The following NUCKS1 variants were observed in gnomAD, a reference collection of about 807,000 sequenced individuals.
NUCKS1 encodes nuclear ubiquitous casein and cyclin-dependent kinase substrate 1.
A neutral mutation model predicts 33.0 loss-of-function variants in NUCKS1; 2 were observed. The observed-to-expected ratio is 0.06, with a 90% CI of 0.02 to 0.19. The LOEUF (loss-of-function observed/expected upper bound fraction) is 0.19, where lower values mean the gene tolerates loss of function less well. Among genes scored for constraint, NUCKS1 ranks in the 10% least tolerant of loss-of-function variants. The probability of loss-of-function intolerance (pLI) is 1.00; values close to 1 mark genes in which losing one functional copy is unlikely to be tolerated. For synonymous variants in NUCKS1, 106 were observed against 102.8 expected (o/e 1.03, Z -0.19); for missense variants, 201 against 293.6 (o/e 0.68, Z 2.31).
rs1283403092 is a variant in NUCKS1, at chr1:205,744,437, T to TA, written c.17+5519dup. Among the ~76,000 whole-genome samples, 4 of 152,312 alleles carry TA rather than the reference T, an allele frequency of 2.6e-5. No homozygotes were observed. The East Asian group carries it at 5.8e-4, about 22-fold the overall frequency. On this transcript the variant is annotated intron_variant, in intron 1 of 6. Coordinates refer to ENST00000367142, the MANE Select transcript of NUCKS1 (RefSeq NM_022731.5). ...CATCTAAGAGTTGCTCAGTAATTGC[T>TA]AATTCTACTAAGTGAGGAAGTGATT...
Position 205,749,821 on chromosome 1 carries a change from TGCGCGCGGGCCCCGAAAGGGAGGAGGCC to T in NUCKS1, c.17+108_17+135del, listed in dbSNP as rs1188545993. The T allele has an allele frequency of 1.0e-4, 91 of 900,830 alleles. No individual in the cohort carries two copies. The African/African-American group carries it at 1.5e-3, about 15-fold the overall frequency. 55.8% of individuals were successfully genotyped at this position (900,830 alleles called of 1,614,324 possible). A position where few individuals can be genotyped will look rare whatever the true frequency, so the allele number is the denominator to read the frequency against. On this transcript the variant is annotated intron_variant, in intron 1 of 6. Transcript: ENST00000367142. The stretch of plus-strand genomic sequence containing the variant: ...CAGCAGGGCCCCCCACGCTCAAGGG[TGCGCGCGGGCCCCGAAAGGGAGGAGGCC>T]GCGCGCGGCACCGGGGATGGCGGAC...
At chr1:205,743,349 A>G (rs1654228779) in intron 1 of NUCKS1, among the ~76,000 whole-genome samples, 1 of 152,252 alleles carries the variant, frequency 6.6e-6, no homozygotes, top group South Asian at 2.1e-4. Flanking sequence ...CATCTCCACT[A>G]TATAAACCCA....
intron 1 of NUCKS1, among the ~76,000 whole-genome samples, chr1:205,734,585 CATA>C (rs1653988953): frequency 6.6e-6 from 1 of 151,792 alleles, no homozygotes; most frequent in Non-Finnish European, 1.5e-5. Context: ...CATGATGACT[CATA>C]ATGACTCATA....
intron 1 of NUCKS1, among the ~76,000 whole-genome samples, chr1:205,740,038 T>A (rs191887945): frequency 3.2e-4 from 40 of 124,352 alleles, no homozygotes; most frequent in African/African-American, 1.1e-3. Context: ...TGTCTCCCTC[T>A]GTTGTCCAGA....
Position 205,714,332 on chromosome 1 carries a change from G to A in NUCKS1, c.*3948C>T, listed in dbSNP as rs1239510149. 6.6e-6 allele frequency: 1 copy of A among 152,026 alleles called. No individual in the cohort carries two copies. The highest frequency in any genetic ancestry group is 2.4e-5 in the African/African-American group (1 of 41,362). 9.4% of individuals were successfully genotyped at this position (152,026 alleles called of 1,614,324 possible). ...AGAAAACCCTCCCTTCACCCCTGAT[G>A]TACAAAGTGTATGCACAACGGTGGC... On this transcript the variant is annotated 3_prime_UTR_variant, in exon 7 of 7. Coordinates refer to ENST00000367142, the MANE Select transcript of NUCKS1 (RefSeq NM_022731.5).
chr1:205,723,572 T>C (rs1195523856), intron 4 of NUCKS1, among the ~76,000 whole-genome samples: 1 of 152,204 alleles, frequency 6.6e-6, no homozygotes, highest in African/African-American at 2.4e-5. Context: ...GTTTTATATT[T>C]ATATATTATT....
chr1:205,724,054 TTCTGAC>T, intron 3 of NUCKS1, 73 bp from the exon 4 acceptor site: 1 of 1,098,756 alleles, frequency 9.1e-7, no homozygotes, highest in Non-Finnish European at 1.4e-6. Context: ...GATCTCTGAT[TTCTGAC>T]TTGAGAAGAA....
intron 1 of NUCKS1, among the ~76,000 whole-genome samples, chr1:205,746,451 TCTCACA>T (rs1366840875): frequency 3.1e-4 from 36 of 116,186 alleles, no homozygotes; most frequent in African/African-American, 1.1e-3. Flanking sequence ...TCTCTCTCTC[TCTCACA>T]CACACACACA....
intron 1 of NUCKS1, among the ~76,000 whole-genome samples, chr1:205,732,175 C>T (rs1428410211): frequency 6.6e-6 from 1 of 152,184 alleles, no homozygotes; most frequent in African/African-American, 2.4e-5. Context: ...GTTCCACCTT[C>T]TGTTTTTCTT....
chr1:205,729,281 T>TA (rs1653852112), intron 2 of NUCKS1, among the ~76,000 whole-genome samples: 1 of 152,218 alleles, frequency 6.6e-6, no homozygotes, highest in Admixed American at 6.5e-5. Context: ...CAGCAGGAGA[T>TA]ATTTTAAGCA....
chr1:205,745,343 G>A (rs1015305016), intron 1 of NUCKS1, among the ~76,000 whole-genome samples: 2 of 151,914 alleles, frequency 1.3e-5, no homozygotes, highest in Non-Finnish European at 2.9e-5. Context: ...CAAAAAATTA[G>A]CCAGGCGTGG....
intron 1 of NUCKS1, among the ~76,000 whole-genome samples, chr1:205,732,966 T>C (rs1653952046): frequency 6.6e-6 from 1 of 152,008 alleles, no homozygotes; most frequent in Non-Finnish European, 1.5e-5. Flanking sequence ...AAAAATAGTA[T>C]GATGATCATA....
Position 205,717,810 on chromosome 1 carries a change from T to C in NUCKS1, c.*470A>G. On this transcript the variant is annotated 3_prime_UTR_variant, in exon 7 of 7. Coordinates refer to ENST00000367142, the MANE Select transcript of NUCKS1 (RefSeq NM_022731.5). ...ACAATTGATTTTTTAAAAGTCCAGGTAGAGAAAGGAGCAATCATTTTGAAC... is the reference window on the plus strand; with the variant it reads ...ACAATTGATTTTTTAAAAGTCCAGGCAGAGAAAGGAGCAATCATTTTGAAC... 1 of 985,424 alleles carries C rather than the reference T, an allele frequency of 1.0e-6. No individual in the cohort carries two copies. Among genetic ancestry groups the C allele is most frequent in the Non-Finnish European group, 1.2e-6 (1 of 829,810 alleles). 61.0% of individuals were successfully genotyped at this position (985,424 alleles called of 1,614,324 possible). A position where few individuals can be genotyped will look rare whatever the true frequency, so the allele number is the denominator to read the frequency against.
At chr1:205,744,776 G>C (rs1654274502) in intron 1 of NUCKS1, among the ~76,000 whole-genome samples, 1 of 151,832 alleles carries the variant, frequency 6.6e-6, no homozygotes, top group African/African-American at 2.4e-5. Flanking sequence ...GAGATTATAG[G>C]CATGCGCCAC....
chr1:205,735,212 T>A (rs951933076), intron 1 of NUCKS1, among the ~76,000 whole-genome samples: 8 of 152,222 alleles, frequency 5.3e-5, no homozygotes, highest in African/African-American at 1.9e-4. Flanking sequence ...TCTCACAAGA[T>A]TATTATAGCA....
chr1:205,746,487 ACT>A (rs1491055153), intron 1 of NUCKS1, among the ~76,000 whole-genome samples: 1 of 116,534 alleles, frequency 8.6e-6, no homozygotes, highest in African/African-American at 3.2e-5. Flanking sequence ...ACACACACAC[ACT>A]AGAGAATAAG....
intron 1 of NUCKS1, 89 bp downstream of exon 1, chr1:205,749,868 G>A (rs1002188101): frequency 3.7e-5 from 52 of 1,393,802 alleles, no homozygotes; most frequent in Admixed American, 7.8e-5. Context: ...CACCGGGGAT[G>A]GCGGACTCTA....
At chr1:205,731,182 T>G (rs1459982411) in intron 1 of NUCKS1, 1 of 152,210 alleles carries the variant, frequency 6.6e-6, no homozygotes. Context: ...TTCTTTTGTT[T>G]CTAAACTTTT....
At chr1:205,738,794 G>C (rs949778007) in intron 1 of NUCKS1, among the ~76,000 whole-genome samples, 1 of 152,154 alleles carries the variant, frequency 6.6e-6, no homozygotes, top group African/African-American at 2.4e-5. Flanking sequence ...TGAAGTCCCA[G>C]CCACTCCAGG....
Sources: allele counts gnomAD v4.1 joint callset (sites outside exome capture counted in the v4.1 genomes callset), GRCh38; gene constraint gnomAD v4.1.1; transcripts MANE v1.5; gene names NCBI Gene and HGNC (gene_info 2026-07-23, HGNC 2026-07-21).